TTN: variants seen among roughly 807,000 people sequenced by gnomAD.
TTN encodes connectin.
Under a neutral mutation model 3,223.0 loss-of-function variants are expected in TTN, and 1,525 were observed. The observed-to-expected ratio is 0.47, with a 90% CI of 0.45 to 0.49. The LOEUF is 0.49. TTN is among the 20% of genes least tolerant of loss of function. TTN has a pLI of 0.00. For missense variants in TTN, 40,786 were observed against 43,424.0 expected, an observed-to-expected ratio of 0.94 and a Z score of 5.40; for synonymous variants, 14,094 against 15,161.0, an observed-to-expected ratio of 0.93 and a Z score of 5.17.
chr2:178,677,875 G>A lies in TTN; in HGVS notation c.34037C>T (p.Pro11346Leu), dbSNP rs794729413. The stretch of plus-strand genomic sequence containing the variant: ...TTCAAATAGAACTTCCTCTTCCTGA[G>A]GTAGAGCTACAGGAACTGGAACTGG... ...REPVPVPVAL[P>L]QEEEVLFEEE... is the part of the protein sequence containing the mutation. The change falls in exon 146 of 363, where the codon CCT becomes CTT. Residue 11346 changes from proline (P) to leucine (L), a missense_variant. By Grantham distance (98) the Pro-to-Leu change is moderately conservative. Coordinates refer to ENST00000589042, the MANE Select transcript of TTN (RefSeq NM_001267550.2). The A allele has an allele frequency of 4.3e-6, 7 of 1,611,344 alleles. No individual in the cohort carries two copies. The South Asian group carries it at 7.7e-5, about 18-fold the overall frequency.
chr2:178,780,850 C>T lies in TTN; in HGVS notation c.3523+271G>A, dbSNP rs2054708. On this transcript the variant is annotated intron_variant, in intron 21 of 362. Transcript: ENST00000589042. ...TACCTGCCTGGGCCTGGAAGGCAAC[C>T]GGATTTAGAATCTCTGCATTTTCAG... is the stretch of plus-strand genomic sequence containing the variant. Among the ~76,000 whole-genome samples the T allele has an allele frequency of 0.83, 126,536 of 152,150 alleles. 53,443 individuals are homozygous for T. Among genetic ancestry groups the T allele is most frequent in the Middle Eastern group, 0.93 (274 of 294 alleles).
rs773976497 is a variant in TTN at position 178,562,187 on chromosome 2, A to G, written c.83945T>C (p.Ile27982Thr). ...AGGTCTTCCTTTGAATGGCACATCAATCTTAAGTTGTTCTCTAGCCTTTAC... is the reference window on the plus strand; with the variant it reads ...AGGTCTTCCTTTGAATGGCACATCAGTCTTAAGTTGTTCTCTAGCCTTTAC... The part of the protein sequence containing the change: ...FNVKAREQLK[I>T]DVPFKGRPQA... Residue 27982 changes from isoleucine (I) to threonine (T), a missense_variant, in exon 326 of 363, where the codon ATT (isoleucine) becomes ACT (threonine). Physicochemically the swap from Ile to Thr is moderately conservative, Grantham distance 89 (BLOSUM62 -1). Transcript: ENST00000589042. The G allele has an allele frequency of 2.5e-6, 4 of 1,613,058 alleles. No homozygotes were observed. Among genetic ancestry groups the G allele is most frequent in the Middle Eastern group, 1.7e-4 (1 of 6,056 alleles).
At chr2:178,644,677 C>T in intron 217 of TTN, 61 bp from the exon 218 acceptor site, 5 of 1,283,224 alleles carry the variant, frequency 3.9e-6, no homozygotes, top group Non-Finnish European at 5.3e-6. Flanking sequence ...AAGTGATTAA[C>T]TTTCTACTCC....
At position 178,539,264 on chromosome 2, in the gene TTN, G is replaced by A. The variant is rs1374132936; in HGVS notation, c.98684-13C>T. On this transcript the variant is annotated splice_polypyrimidine_tract_variant and intron_variant, in intron 352 of 362. Coordinates refer to ENST00000589042, the MANE Select transcript of TTN (RefSeq NM_001267550.2). Reference sequence around the variant, plus strand: ...GGTTCTGGAGGATCTGTAAATATAAGTGGAAAGCACACATGTATTAGAATA... The same window carrying A: ...GGTTCTGGAGGATCTGTAAATATAAATGGAAAGCACACATGTATTAGAATA... The A allele has an allele frequency of 6.2e-7, 1 of 1,611,276 alleles. No homozygotes were observed. Among genetic ancestry groups the A allele is most frequent in the Non-Finnish European group, 8.5e-7 (1 of 1,178,096 alleles).
In TTN at chr2:178,572,407, C is replaced by T. The variant is rs762859641; in HGVS notation, c.73725G>A (p.Lys24575=). ...GAAGCTGGTCTACCTTCCAGGAAGT[C>T]TTGTGGCAGTTTGTTGCAACAGTTG... ...AYSTVATNCH[K]TSWKVDQLQE... The change falls in exon 326 of 363, where the codon AAG becomes AAA. Residue 24575 remains lysine, a synonymous_variant. Transcript: ENST00000589042. 17 of 1,613,086 alleles carry T rather than the reference C, an allele frequency of 1.1e-5. 1 individual carries two copies. In the South Asian group the frequency reaches 1.8e-4, roughly 17 times the overall value.
chr2:178,725,287 C>G (rs181336547), intron 71 of TTN, 81 bp downstream of exon 71: 70 of 1,368,932 alleles, frequency 5.1e-5, no homozygotes, highest in Admixed American at 3.2e-4. Flanking sequence ...AGAAGAAACT[C>G]AGAAAAAGAA....
rs771510428 is a variant in TTN at position 178,684,775 on chromosome 2, C to A, written c.32555-26G>T. 6 of 1,602,478 alleles carry A rather than the reference C, an allele frequency of 3.7e-6. No homozygotes were observed. In the East Asian group the frequency reaches 1.3e-4, roughly 36 times the overall value. On this transcript the variant is annotated intron_variant, in intron 130 of 362. Coordinates refer to ENST00000589042, the MANE Select transcript of TTN (RefSeq NM_001267550.2). The stretch of plus-strand genomic sequence containing the variant: ...CTTAAAAGATACCAGGCAATACCAT[C>A]AAACATACGATATGGAAAACACTAA...
Position 178,531,428 on chromosome 2 carries a change from C to T in TTN, c.105187G>A (p.Ala35063Thr), listed in dbSNP as rs1558998039. ...FPELTRTEAY[A>T]VSSFKKTSEM... The stretch of plus-strand genomic sequence containing the variant: ...GATGTTTTCTTAAATGATGAAACAG[C>T]ATACGCCTCTGTTCTTGTCAGCTCA... The change falls in exon 358 of 363, where the codon GCT (alanine) becomes ACT (threonine). Residue 35063 changes from alanine (A) to threonine (T), a missense_variant. By Grantham distance (58) the Ala-to-Thr change is moderately conservative (BLOSUM62 0). Coordinates refer to ENST00000589042, the MANE Select transcript of TTN (RefSeq NM_001267550.2). The T allele has an allele frequency of 6.2e-7, 1 of 1,613,998 alleles. No homozygotes were observed. The highest frequency in any genetic ancestry group is 1.7e-5 in the Admixed American group (1 of 60,028).
rs768142416 is a variant in TTN, at chr2:178,611,209, T to G, written c.50920A>C (p.Ile16974Leu). The G allele has an allele frequency of 3.1e-6, 5 of 1,612,576 alleles. No individual in the cohort carries two copies. In the South Asian group the frequency reaches 5.5e-5, roughly 18 times the overall value. ...GGGACAGCTCTGAAGGGAACAGGAATGCTTAACTTTTCACCTTCAATAACA... is the reference window on the plus strand; with the variant it reads ...GGGACAGCTCTGAAGGGAACAGGAAGGCTTAACTTTTCACCTTCAATAACA... ...IIVIEGEKLSIPVPFRAVPVP... is the reference protein window; with the variant it reads ...IIVIEGEKLSLPVPFRAVPVP... The change falls in exon 270 of 363, where the codon ATT (isoleucine) becomes CTT (leucine). Residue 16974 changes from isoleucine to leucine, a missense_variant. Coordinates refer to ENST00000589042, the MANE Select transcript of TTN (RefSeq NM_001267550.2).
Position 178,651,950 on chromosome 2 carries a change from C to T in TTN, c.39313G>A (p.Glu13105Lys), listed in dbSNP as rs761027873. Residue 13105 changes from glutamate (E) to lysine (K), a missense_variant, in exon 205 of 363, where the codon GAA (glutamate) becomes AAA (lysine). By Grantham distance (56) the Glu-to-Lys change is moderately conservative. Coordinates refer to ENST00000589042, the MANE Select transcript of TTN (RefSeq NM_001267550.2). ...GCAGGAGGCTCTTCTAGGGCAACTT[C>T]CTCAGGCTCCTCGAACACTTTAAAG... is the stretch of plus-strand genomic sequence containing the variant. Reference protein sequence around the residue: ...PPPEVFEEPEEVALEEPPAEV... With the variant: ...PPPEVFEEPEKVALEEPPAEV... 3 of 1,610,230 alleles carry T rather than the reference C, an allele frequency of 1.9e-6. No homozygotes were observed. The highest frequency in any genetic ancestry group is 1.7e-5 in the Admixed American group (1 of 59,488).
Position 178,528,331 on chromosome 2 carries a change from T to C in TTN, c.107320A>G (p.Ile35774Val), listed in dbSNP as rs774401824. The change falls in exon 361 of 363, where the codon ATT becomes GTT. Residue 35774 changes from isoleucine to valine, a missense_variant. Transcript: ENST00000589042. ...ASVSDSGKYT[I>V]KAKNFRGQCS... ...TGGCCACGGAAATTTTTGGCCTTAA[T>C]TGTGTACTTTCCACTGTCGCTGACT... is the stretch of plus-strand genomic sequence containing the variant. The C allele has an allele frequency of 6.2e-6, 10 of 1,613,868 alleles. No homozygotes were observed. The East Asian group carries it at 2.0e-4, about 32-fold the overall frequency.
rs1172243981 is a variant in TTN, at chr2:178,530,542, A to C, written c.106073T>G (p.Val35358Gly). ...TCCACCTTCACCAGAAATCTCACAA[A>C]CATATTCTCCTTGATCAGATTCAGT... ...NLTESDQGEYVCEISGEGGTS... is the reference protein window; with the variant it reads ...NLTESDQGEYGCEISGEGGTS... Residue 35358 changes from valine to glycine, a missense_variant, in exon 358 of 363, where the codon GTT becomes GGT. By Grantham distance (109) the Val-to-Gly change is moderately radical. Coordinates refer to ENST00000589042, the MANE Select transcript of TTN (RefSeq NM_001267550.2). 6.2e-7 allele frequency: 1 copy of C among 1,614,006 alleles called. No homozygotes were observed. The highest frequency in any genetic ancestry group is 2.2e-5 in the East Asian group (1 of 44,888).
chr2:178,740,026 A>G lies in TTN; in HGVS notation c.13207T>C (p.Leu4403=). 1.2e-6 allele frequency: 2 copies of G among 1,613,874 alleles called. No individual in the cohort carries two copies. The highest frequency in any genetic ancestry group is 1.7e-6 in the Non-Finnish European group (2 of 1,179,826). ...LNLKIQICRA[L]QAAVASEQPG... ...TGCTCGCTGGCCACGGCTGCTTGCA[A>G]AGCCCGGCAGATTTGAATTTTCAGG... Residue 4403 remains leucine, a synonymous_variant, in exon 48 of 363, where the codon TTG becomes CTG. Transcript: ENST00000589042.
At chr2:178,726,100 A>T (rs1446128284) in intron 69 of TTN, 54 bp from the exon 70 acceptor site, 2 of 1,486,994 alleles carry the variant, frequency 1.3e-6, no homozygotes, top group African/African-American at 2.8e-5. Context: ...CACAAAATGA[A>T]AATTTTTTAT....
In TTN at chr2:178,757,864, TAA is replaced by T. The variant is rs1456804023; in HGVS notation, c.10354_10355del (p.Leu3452IlefsTer5). 2 of 1,560,458 alleles carry T rather than the reference TAA, an allele frequency of 1.3e-6. No individual in the cohort carries two copies. Among genetic ancestry groups the T allele is most frequent in the Non-Finnish European group, 1.7e-6 (2 of 1,155,888 alleles). ...GGGGCTCCTTCTTAAATGAAACTGATAAAGAGACATGCCATTGGGAGTTTGAT... is the reference window on the plus strand; with the variant it reads ...GGGGCTCCTTCTTAAATGAAACTGATAGAGACATGCCATTGGGAGTTTGAT... ...NTSNSQWHVS[L>X]SVSFKKEPLG... On this transcript the variant is annotated frameshift_variant, in exon 45 of 363. Transcript: ENST00000589042. LOFTEE classifies it high-confidence loss of function.
rs762210511 is a variant in TTN at position 178,771,406 on chromosome 2, A to G, written c.7921T>C (p.Cys2641Arg). The G allele has an allele frequency of 6.2e-7, 1 of 1,614,020 alleles. No individual in the cohort carries two copies. Among genetic ancestry groups the G allele is most frequent in the South Asian group, 1.1e-5 (1 of 91,086 alleles). Residue 2641 changes from cysteine (C) to arginine (R), a missense_variant, in exon 34 of 363, where the codon TGT (cysteine) becomes CGT (arginine). Physicochemically the swap from Cys to Arg is radical, Grantham distance 180. Coordinates refer to ENST00000589042, the MANE Select transcript of TTN (RefSeq NM_001267550.2). ...VAESQEAVFE[C>R]EVANPDSKGE... ...TTGGAATCTGGGTTGGCAACTTCACATTCAAACACAGCTTCCTGGGATTCA... is the reference window on the plus strand; with the variant it reads ...TTGGAATCTGGGTTGGCAACTTCACGTTCAAACACAGCTTCCTGGGATTCA...
chr2:178,528,337 A>G lies in TTN; in HGVS notation c.107314T>C (p.Tyr35772His). Residue 35772 changes from tyrosine to histidine, a missense_variant, in exon 361 of 363, where the codon TAC becomes CAC. Coordinates refer to ENST00000589042, the MANE Select transcript of TTN (RefSeq NM_001267550.2). ...RNASVSDSGK[Y>H]TIKAKNFRGQ... ...CGGAAATTTTTGGCCTTAATTGTGT[A>G]CTTTCCACTGTCGCTGACTGATGCA... is the stretch of plus-strand genomic sequence containing the variant. The G allele has an allele frequency of 1.2e-6, 2 of 1,614,002 alleles. No homozygotes were observed. The highest frequency in any genetic ancestry group is 1.7e-6 in the Non-Finnish European group (2 of 1,179,856).
Position 178,618,701 on chromosome 2 carries a change from C to T in TTN, c.46849G>A (p.Ala15617Thr), listed in dbSNP as rs1467341061. The change falls in exon 251 of 363, where the codon GCT (alanine) becomes ACT (threonine). Residue 15617 changes from alanine to threonine, a missense_variant. Coordinates refer to ENST00000589042, the MANE Select transcript of TTN (RefSeq NM_001267550.2). ...PLSTKTIDTT[A>T]EQTSFRILEA... is the part of the protein sequence containing the mutation. The stretch of plus-strand genomic sequence containing the variant: ...AAAATTCTGAAAGAAGTTTGTTCAG[C>T]CGTAGTATCAATGGTTTTTGTAGAT... 2 of 1,612,148 alleles carry T rather than the reference C, an allele frequency of 1.2e-6. No homozygotes were observed. Among genetic ancestry groups the T allele is most frequent in the South Asian group, 1.1e-5 (1 of 91,020 alleles).
chr2:178,538,605 G>A lies in TTN; in HGVS notation c.99224C>T (p.Ala33075Val), dbSNP rs373447560. 8.7e-6 allele frequency: 14 copies of A among 1,613,538 alleles called. No homozygotes were observed. Among genetic ancestry groups the A allele is most frequent in the African/African-American group, 1.3e-5 (1 of 74,886 alleles). Reference protein sequence around the residue: ...EATEYEFRVFAENETGLSRPR... With the variant: ...EATEYEFRVFVENETGLSRPR... ...TCTGCTCAGCCCAGTCTCATTCTCA[G>A]CAAAAACCCTGAATTCATACTCAGT... Residue 33075 changes from alanine to valine, a missense_variant, in exon 354 of 363, where the codon GCT becomes GTT. Transcript: ENST00000589042.
Sources: allele counts gnomAD v4.1 joint callset (sites outside exome capture counted in the v4.1 genomes callset), GRCh38; gene constraint gnomAD v4.1.1; transcripts MANE v1.5; gene names NCBI Gene and HGNC (gene_info 2026-07-23, HGNC 2026-07-21).